MAPKBP1: variants seen among roughly 807,000 people sequenced by gnomAD.
MAPKBP1 encodes mitogen-activated protein kinase binding protein 1.
MAPKBP1 carries 71 observed loss-of-function variants against 170.5 expected under a neutral mutation model. The observed-to-expected ratio is 0.42, with a 90% confidence interval of 0.34 to 0.51. MAPKBP1 has a LOEUF of 0.51. Among genes scored for constraint, MAPKBP1 ranks in the 20% least tolerant of loss-of-function variants. The pLI is 0.06. For synonymous variants in MAPKBP1, 719 were observed against 757.9 expected (o/e 0.95, Z 0.84); for missense variants, 1,598 against 1,933.0 (o/e 0.83, Z 3.25).
At chr15:41,808,794 C>T (rs1213063152) in intron 3 of MAPKBP1, among the ~76,000 whole-genome samples, 1 of 151,992 alleles carries the variant, frequency 6.6e-6, no homozygotes, top group East Asian at 1.9e-4. Context: ...TTTTTAAAAC[C>T]CTCCTGACTG....
chr15:41,822,742 T>A, intron 27 of MAPKBP1, 65 bp downstream of exon 27: 1 of 1,576,834 alleles, frequency 6.3e-7, no homozygotes. Context: ...GCTGCTGCCC[T>A]CTCCTCTCCA....
At chr15:41,823,394 C>T in intron 28 of MAPKBP1, 53 bp from the exon 29 acceptor site, 1 of 1,566,770 alleles carries the variant, frequency 6.4e-7, no homozygotes. Flanking sequence ...GTGTTGGCAC[C>T]TGGGATGCCT....
chr15:41,801,996 C>T (rs1343944068), intron 3 of MAPKBP1, among the ~76,000 whole-genome samples: 2 of 152,110 alleles, frequency 1.3e-5, no homozygotes, highest in Non-Finnish European at 2.9e-5. Flanking sequence ...CTTACACAAA[C>T]CCTAGATGGT....
At chr15:41,782,396 A>G (rs1020451065) in intron 2 of MAPKBP1, among the ~76,000 whole-genome samples, 1 of 152,152 alleles carries the variant, frequency 6.6e-6, no homozygotes, top group African/African-American at 2.4e-5. Flanking sequence ...ATGGTAAGGT[A>G]TTGGCAGTTT....
intron 2 of MAPKBP1, among the ~76,000 whole-genome samples, chr15:41,788,926 A>C (rs750427120): frequency 1.1e-4 from 17 of 152,192 alleles, no homozygotes; most frequent in Non-Finnish European, 1.9e-4. Flanking sequence ...ATCCATTGCT[A>C]TATCCAGGAA....
At chr15:41,825,084 C>T (rs1009016366) in intron 30 of MAPKBP1, 125 bp from the exon 31 acceptor site, 38 of 679,952 alleles carry the variant, frequency 5.6e-5, no homozygotes, top group Non-Finnish European at 8.0e-5. Context: ...GCCATACATG[C>T]TGATCTTGGC....
In MAPKBP1 at chr15:41,817,523, G is replaced by A; in HGVS notation, c.1782+65G>A. ...CGGGGTCTGCCATTCCCTGCCTAAG[G>A]TTACAAGAGGTGAAGGGAGGCGCAA... On this transcript the variant is annotated intron_variant, in intron 15 of 30. Coordinates refer to ENST00000457542, the MANE Select transcript of MAPKBP1 (RefSeq NM_014994.3). The surrounding 1 kb of genome is among the most constrained non-coding windows in gnomAD (Gnocchi z 4.2). 6.2e-7 allele frequency: 1 copy of A among 1,613,766 alleles called. No homozygotes were observed. Among genetic ancestry groups the A allele is most frequent in the Admixed American group, 1.7e-5 (1 of 60,020 alleles).
At chr15:41,781,739 T>G (rs1484931957) in intron 2 of MAPKBP1, among the ~76,000 whole-genome samples, 1 of 148,674 alleles carries the variant, frequency 6.7e-6, no homozygotes, top group African/African-American at 2.5e-5. Context: ...ATATGGCTGA[T>G]TTTTTTTTTT....
chr15:41,782,901 A>G (rs2064215724), intron 2 of MAPKBP1, among the ~76,000 whole-genome samples: 1 of 152,232 alleles, frequency 6.6e-6, no homozygotes, highest in Admixed American at 6.5e-5. Flanking sequence ...TCCATCACTC[A>G]GTAACCCTTG....
chr15:41,783,807 A>G (rs561159157), intron 2 of MAPKBP1, among the ~76,000 whole-genome samples: 2 of 152,298 alleles, frequency 1.3e-5, no homozygotes, highest in African/African-American at 4.8e-5. Flanking sequence ...CAGGAGATCA[A>G]GACCATCCTG....
intron 3 of MAPKBP1, among the ~76,000 whole-genome samples, chr15:41,801,564 C>T (rs1446422122): frequency 2.0e-5 from 3 of 152,002 alleles, no homozygotes; most frequent in East Asian, 1.9e-4. Context: ...CTTCCTTTAT[C>T]AGGCTGGGCC....
intron 2 of MAPKBP1, among the ~76,000 whole-genome samples, chr15:41,778,926 T>C (rs2064138672): frequency 1.3e-5 from 2 of 152,248 alleles, no homozygotes; most frequent in South Asian, 4.1e-4. Context: ...TCCTCCTCCT[T>C]AAGAGCCATT....
rs1450933258 is a variant in MAPKBP1, at chr15:41,774,575, C to T, written c.-145C>T. The T allele has an allele frequency of 1.8e-5, 7 of 398,670 alleles. No homozygotes were observed. The highest frequency in any genetic ancestry group is 2.7e-5 in the Non-Finnish European group (6 of 226,104). The allele number at this position is 398,670 out of a possible 1,614,324, so 24.7% of individuals were successfully genotyped here. On this transcript the variant is annotated 5_prime_UTR_variant, in exon 1 of 31. Transcript: ENST00000457542. Reference sequence around the variant, plus strand: ...AATTGCCGAACGCGATGCCCGAGGGCGCTGTGAGCGGGGTGGCCTTAGCTC... The same window carrying T: ...AATTGCCGAACGCGATGCCCGAGGGTGCTGTGAGCGGGGTGGCCTTAGCTC...
In MAPKBP1 at chr15:41,823,914, C is replaced by T. The variant is rs369841349; in HGVS notation, c.4066C>T (p.His1356Tyr). The change falls in exon 29 of 31, where the codon CAT becomes TAT. Residue 1356 changes from histidine (H) to tyrosine (Y), a missense_variant. This residue lies in a region of MAPKBP1 where 942 missense variants were observed against 953.2 expected (regional missense o/e 0.99). Transcript: ENST00000457542. ...TPKPRTECQA[H>Y]PGPSSPCAQQ... ...CAAGCCTAGGACAGAGTGCCAGGCT[C>T]ATCCTGGGCCCAGCAGCCCCTGTGC... is the stretch of plus-strand genomic sequence containing the variant. 27 of 1,614,132 alleles carry T rather than the reference C, an allele frequency of 1.7e-5. No homozygotes were observed. Among genetic ancestry groups the T allele is most frequent in the East Asian group, 4.5e-5 (2 of 44,876 alleles).
intron 2 of MAPKBP1, among the ~76,000 whole-genome samples, chr15:41,798,089 A>C (rs1567141062): frequency 1.3e-5 from 2 of 151,358 alleles, no homozygotes; most frequent in Non-Finnish European, 2.9e-5. Context: ...TCTCTACTGA[A>C]AATACAAAAA....
At chr15:41,814,113 C>T (rs2064850578) in intron 9 of MAPKBP1, among the ~76,000 whole-genome samples, 1 of 152,112 alleles carries the variant, frequency 6.6e-6, no homozygotes, top group Admixed American at 6.5e-5. Context: ...AGTGGAACAT[C>T]TTGTTAATTT....
chr15:41,812,232 C>T (rs2064819206), intron 6 of MAPKBP1, 105 bp downstream of exon 6: 1 of 1,430,664 alleles, frequency 7.0e-7, no homozygotes, highest in Non-Finnish European at 9.6e-7. Flanking sequence ...CCCACTGAAC[C>T]ATTCTCATTC....
chr15:41,784,120 AC>A (rs2064239273), intron 2 of MAPKBP1, among the ~76,000 whole-genome samples: 1 of 152,158 alleles, frequency 6.6e-6, no homozygotes, highest in African/African-American at 2.4e-5. Context: ...CATTACCCTG[AC>A]ATTCATTGGT....
At chr15:41,823,408 T>C (rs1253626047) in intron 28 of MAPKBP1, 39 bp from the exon 29 acceptor site, 7 of 1,577,368 alleles carry the variant, frequency 4.4e-6, no homozygotes, top group Non-Finnish European at 6.0e-6. Flanking sequence ...GATGCCTTCC[T>C]CAACACCTGA....
Sources: allele counts gnomAD v4.1 joint callset (sites outside exome capture counted in the v4.1 genomes callset), GRCh38; gene constraint gnomAD v4.1.1; regional missense constraint gnomAD v4.1.1; non-coding constraint Gnocchi (gnomAD v3.1); transcripts MANE v1.5; gene names NCBI Gene and HGNC (gene_info 2026-07-23, HGNC 2026-07-21).